Variants in HAUS1 observed in about 807,000 individuals in gnomAD.
The protein encoded by HAUS1 is HAUS augmin-like complex subunit 1.
Under a neutral mutation model 38.6 loss-of-function variants are expected in HAUS1, and 25 were observed. The ratio of observed to expected loss-of-function variants is 0.65; its 90% CI spans 0.47 to 0.91. The LOEUF (loss-of-function observed/expected upper bound fraction) is 0.91, where lower values mean the gene tolerates loss of function less well. HAUS1 is among the 40% of genes least tolerant of loss of function. HAUS1 has a pLI of 0.00. For synonymous variants in HAUS1, 109 were observed against 112.9 expected (o/e 0.97, Z 0.22); for missense variants, 325 against 328.4 (o/e 0.99, Z 0.08).
intron 2 of HAUS1, among the ~76,000 whole-genome samples, chr18:46,113,979 T>G (rs1444406751): frequency 6.6e-6 from 1 of 152,222 alleles, no homozygotes; most frequent in Non-Finnish European, 1.5e-5. Context: ...TGACTTCCTC[T>G]CTTTCACTGA....
chr18:46,113,988 G>A (rs539068010), intron 2 of HAUS1, among the ~76,000 whole-genome samples: 1 of 152,266 alleles, frequency 6.6e-6, no homozygotes, highest in African/African-American at 2.4e-5. Flanking sequence ...CTCTTTCACT[G>A]AGCACACCTG....
intron 2 of HAUS1, among the ~76,000 whole-genome samples, chr18:46,108,350 G>A (rs146630439): frequency 6.2e-5 from 9 of 144,362 alleles, no homozygotes; most frequent in African/African-American, 1.6e-4. Flanking sequence ...GTGTTTCACC[G>A]TGTTGCTCAG....
intron 3 of HAUS1, 91 bp downstream of exon 3, chr18:46,118,407 T>C: frequency 7.7e-7 from 1 of 1,290,924 alleles, no homozygotes; most frequent in Non-Finnish European, 1.1e-6. Context: ...ATATGAAAAA[T>C]TGGCAATAAA....
chr18:46,119,836 C>A, intron 3 of HAUS1, 90 bp from the exon 4 acceptor site: 1 of 1,146,126 alleles, frequency 8.7e-7, no homozygotes, highest in Non-Finnish European at 1.2e-6. Flanking sequence ...ATATAAAAAT[C>A]TACAGGGCAA....
At chr18:46,112,939 A>G (rs36159041) in intron 2 of HAUS1, among the ~76,000 whole-genome samples, 2 of 104,696 alleles carry the variant, frequency 1.9e-5, no homozygotes, top group African/African-American at 8.6e-5. Context: ...TATTCCATAT[A>G]ATATATATAA....
chr18:46,122,545 A>G lies in HAUS1; in HGVS notation c.555A>G (p.Leu185=). 1 of 1,614,116 alleles carries G rather than the reference A, an allele frequency of 6.2e-7. No homozygotes were observed. The highest frequency in any genetic ancestry group is 1.1e-5 in the South Asian group (1 of 91,090). ...VDNRRQNMDF[L]KAKSEEFRFG... is the part of the protein sequence containing the mutation. ...ATCGTCGTCAGAACATGGACTTTCT[A>G]AAAGCAAAGTCAGAGGAATTCAGAT... The change falls in exon 5 of 9, where the codon CTA becomes CTG. Residue 185 remains leucine, a synonymous_variant. Coordinates refer to ENST00000282058, the MANE Select transcript of HAUS1 (RefSeq NM_138443.4).
intron 2 of HAUS1, among the ~76,000 whole-genome samples, chr18:46,113,263 G>T (rs1472367157): frequency 6.6e-6 from 1 of 151,488 alleles, no homozygotes; most frequent in Non-Finnish European, 1.5e-5. Flanking sequence ...TTTTAGTAAA[G>T]ATAGGGTTTC....
intron 8 of HAUS1, 40 bp downstream of exon 8, chr18:46,125,831 G>T: frequency 7.9e-7 from 1 of 1,273,046 alleles, no homozygotes; most frequent in South Asian, 1.3e-5. Context: ...TTTTTAAAAA[G>T]AAAATAAATG....
chr18:46,118,044 G>T, intron 2 of HAUS1, 137 bp from the exon 3 acceptor site: 1 of 711,222 alleles, frequency 1.4e-6, no homozygotes, highest in South Asian at 1.8e-5. Context: ...TACTGATGGG[G>T]ATACAACTAA....
intron 2 of HAUS1, among the ~76,000 whole-genome samples, chr18:46,108,874 A>G (rs1205310969): frequency 6.6e-6 from 1 of 152,074 alleles, no homozygotes; most frequent in Non-Finnish European, 1.5e-5. Flanking sequence ...GATCAAGACC[A>G]TCCTGGCTAA....
Position 46,112,030 on chromosome 18 carries a change from C to A in HAUS1, c.206-6151C>A, listed in dbSNP as rs151057644. On this transcript the variant is annotated intron_variant, in intron 2 of 8. Transcript: ENST00000282058. The stretch of plus-strand genomic sequence containing the variant: ...CCTCCTGAGTAGCTGGGATTATAGG[C>A]ATGCACCACCACACCCGGCTAACTT... Among the ~76,000 whole-genome samples the A allele has an allele frequency of 6.5e-3, 979 of 149,822 alleles. 39 individuals carry two copies. The highest frequency in any genetic ancestry group is 0.056 in the Admixed American group (841 of 14,912).
At chr18:46,123,165 C>G (rs1453057464) in intron 5 of HAUS1, 134 bp from the exon 6 acceptor site, 2 of 608,826 alleles carry the variant, frequency 3.3e-6, no homozygotes, top group East Asian at 3.0e-5. Flanking sequence ...GAGCCGAGAT[C>G]GCGCCACTGC....
At chr18:46,126,300 AT>A (rs1912103443) in intron 8 of HAUS1, among the ~76,000 whole-genome samples, 1 of 152,148 alleles carries the variant, frequency 6.6e-6, no homozygotes, top group Admixed American at 6.6e-5. Flanking sequence ...ACATAGTAGT[AT>A]TTTATGCCTT....
At chr18:46,109,070 CAAAAA>C (rs58584750) in intron 2 of HAUS1, among the ~76,000 whole-genome samples, 1 of 83,086 alleles carries the variant, frequency 1.2e-5, no homozygotes, top group Admixed American at 1.3e-4. Context: ...GACTCCGTCT[CAAAAA>C]AAAAAAAAAA....
At chr18:46,104,731 T>A (rs751424428) in intron 1 of HAUS1, among the ~76,000 whole-genome samples, 1 of 151,810 alleles carries the variant, frequency 6.6e-6, no homozygotes, top group Non-Finnish European at 1.5e-5. Context: ...AAACCCGCCT[T>A]CCGGTTCGCT....
chr18:46,105,149 A>G (rs780054346), intron 1 of HAUS1, 45 bp from the exon 2 acceptor site: 50 of 1,404,228 alleles, frequency 3.6e-5, no homozygotes, highest in Non-Finnish European at 4.8e-5. Flanking sequence ...TCGAGCCATT[A>G]CAGTAAACAA....
At chr18:46,106,198 C>T (rs537945208) in intron 2 of HAUS1, among the ~76,000 whole-genome samples, 53 of 152,200 alleles carry the variant, frequency 3.5e-4, no homozygotes, top group African/African-American at 1.2e-3. Flanking sequence ...AGGCCGGGCA[C>T]GGTGGCTTAC....
intron 2 of HAUS1, among the ~76,000 whole-genome samples, chr18:46,109,202 G>A (rs1568262252): frequency 6.6e-6 from 1 of 152,116 alleles, no homozygotes; most frequent in Non-Finnish European, 1.5e-5. Context: ...CACTATGCCA[G>A]AGCAGGAGAG....
rs771533435 is a variant in HAUS1, at chr18:46,104,404, C to T, written c.-8C>T. The T allele has an allele frequency of 6.9e-7, 1 of 1,452,006 alleles. No homozygotes were observed. Among genetic ancestry groups the T allele is most frequent in the Non-Finnish European group, 9.2e-7 (1 of 1,090,734 alleles). 89.9% of individuals were successfully genotyped at this position (1,452,006 alleles called of 1,614,324 possible). A position where few individuals can be genotyped will look rare whatever the true frequency, so the allele number is the denominator to read the frequency against. On this transcript the variant is annotated 5_prime_UTR_variant, in exon 1 of 9. Coordinates refer to ENST00000282058, the MANE Select transcript of HAUS1 (RefSeq NM_138443.4). ...GGAGTTCCTAGTAAAGTGGCGGGAG[C>T]CGCAGCTATGGAGCCGCAGGAGGAG...
Sources: allele counts gnomAD v4.1 joint callset (sites outside exome capture counted in the v4.1 genomes callset), GRCh38; gene constraint gnomAD v4.1.1; transcripts MANE v1.5; gene names NCBI Gene and HGNC (gene_info 2026-07-23, HGNC 2026-07-21).